USP34: variants seen among roughly 807,000 people sequenced by gnomAD.
USP34 encodes the protein ubiquitin specific peptidase 34.
USP34 carries 70 observed loss-of-function variants against 460.3 expected under a neutral mutation model. That is an observed-to-expected ratio of 0.15 (90% CI 0.13 to 0.19). The LOEUF is 0.19. Among genes scored for constraint, USP34 ranks in the 10% least tolerant of loss-of-function variants. The pLI is 1.00. For synonymous variants in USP34, 1,647 were observed against 1,405.3 expected (o/e 1.17, Z -3.85); for missense variants, 3,985 against 4,236.2 (o/e 0.94, Z 1.65).
intron 68 of USP34, among the ~76,000 whole-genome samples, chr2:61,212,637 C>T (rs1388216916): frequency 2.0e-5 from 3 of 152,166 alleles, no homozygotes; most frequent in African/African-American, 7.2e-5. Flanking sequence ...TCTTCTAACA[C>T]ATACTTGTCA....
chr2:61,294,572 A>T (rs781070534), intron 32 of USP34, among the ~76,000 whole-genome samples: 1 of 151,822 alleles, frequency 6.6e-6, no homozygotes, highest in Non-Finnish European at 1.5e-5. Context: ...GCAGCATGCT[A>T]CCACACCCAG....
intron 10 of USP34, among the ~76,000 whole-genome samples, chr2:61,359,148 A>G (rs1025541672): frequency 1.3e-5 from 2 of 152,194 alleles, no homozygotes; most frequent in Non-Finnish European, 2.9e-5. Flanking sequence ...AACAGTCTGA[A>G]AAAGATGACT....
chr2:61,297,182 T>C (rs373469375), intron 29 of USP34, among the ~76,000 whole-genome samples: 3 of 152,350 alleles, frequency 2.0e-5, no homozygotes, highest in East Asian at 1.9e-4. Flanking sequence ...CATGAAACTT[T>C]TCAAATAAAA....
chr2:61,305,606 A>C (rs1249955098), intron 27 of USP34, among the ~76,000 whole-genome samples: 1 of 152,146 alleles, frequency 6.6e-6, no homozygotes. Context: ...GGAGAGAAGA[A>C]AAAGAGAAAA....
chr2:61,456,651 T>C (rs952421445), intron 1 of USP34, among the ~76,000 whole-genome samples: 62 of 150,902 alleles, frequency 4.1e-4, no homozygotes, highest in African/African-American at 1.3e-3. Context: ...ACCCCATCTC[T>C]ACTAAAAATA....
intron 1 of USP34, 84 bp downstream of exon 1, chr2:61,470,566 G>A (rs1161944017): frequency 2.0e-6 from 2 of 989,896 alleles, no homozygotes; most frequent in East Asian, 6.1e-5. Context: ...GCCTCCCGCA[G>A]GCCGCGGCAG....
rs1690596510 is a variant in USP34, at chr2:61,311,598, T to C, written c.3759A>G (p.Ile1253Met). 1 of 1,613,596 alleles carries C rather than the reference T, an allele frequency of 6.2e-7. No homozygotes were observed. Among genetic ancestry groups the C allele is most frequent in the South Asian group, 1.1e-5 (1 of 90,910 alleles). Residue 1253 changes from isoleucine (I) to methionine (M), a missense_variant, in exon 27 of 80, where the codon ATA becomes ATG. By Grantham distance (10) the Ile-to-Met change is conservative (BLOSUM62 1). Around this residue, in one of 14 missense-constraint regions of USP34, gnomAD observed 1,114 missense variants for 1,122.5 expected, o/e 0.99. Transcript: ENST00000398571. ...ACTCCTGAAGCTGAGCTTGTTGATTTATTTGTTCTTTCTGTAAATTTTCAT... is the reference window on the plus strand; with the variant it reads ...ACTCCTGAAGCTGAGCTTGTTGATTCATTTGTTCTTTCTGTAAATTTTCAT... ...HWYENLQKEQ[I>M]NQQAQLQEFG...
At chr2:61,376,899 C>T (rs1692815321) in intron 8 of USP34, among the ~76,000 whole-genome samples, 1 of 152,224 alleles carries the variant, frequency 6.6e-6, no homozygotes, top group South Asian at 2.1e-4. Context: ...CCGCCTCAGC[C>T]TCCCAAAGTG....
chr2:61,239,032 T>G (rs1688153517), intron 53 of USP34, among the ~76,000 whole-genome samples: 1 of 151,926 alleles, frequency 6.6e-6, no homozygotes, highest in Admixed American at 6.6e-5. Flanking sequence ...TTGATGTTAC[T>G]GTTGTGATTG....
intron 75 of USP34, among the ~76,000 whole-genome samples, chr2:61,195,662 ACT>A (rs1419846249): frequency 3.3e-5 from 5 of 152,198 alleles, no homozygotes; most frequent in Non-Finnish European, 7.4e-5. Context: ...ACAGAGCCAG[ACT>A]CTGTCTCAAA....
intron 1 of USP34, among the ~76,000 whole-genome samples, chr2:61,424,960 C>T (rs1369718318): frequency 6.6e-6 from 1 of 152,066 alleles, no homozygotes; most frequent in Non-Finnish European, 1.5e-5. Context: ...GCTGGAATTA[C>T]AGGCATGTAC....
chr2:61,225,619 T>G (rs1687704136), intron 62 of USP34, among the ~76,000 whole-genome samples: 1 of 152,192 alleles, frequency 6.6e-6, no homozygotes, highest in Non-Finnish European at 1.5e-5. Flanking sequence ...TCAATTCTTG[T>G]ATTTGAGGTA....
At chr2:61,381,038 T>TA (rs540371047) in intron 6 of USP34, among the ~76,000 whole-genome samples, 47 of 152,112 alleles carry the variant, frequency 3.1e-4, no homozygotes, top group Non-Finnish European at 6.0e-4. Context: ...CACCACTCCC[T>TA]AATCTCAAGT....
intron 41 of USP34, among the ~76,000 whole-genome samples, chr2:61,270,788 T>G (rs996739071): frequency 5.9e-5 from 9 of 152,074 alleles, no homozygotes; most frequent in Admixed American, 3.3e-4. Context: ...CAATAATGCT[T>G]TCATTTTATA....
chr2:61,316,162 T>C (rs1209212037), intron 23 of USP34, among the ~76,000 whole-genome samples: 1 of 151,964 alleles, frequency 6.6e-6, no homozygotes, highest in Non-Finnish European at 1.5e-5. Flanking sequence ...GCCAAGATTG[T>C]GCCACTGCAC....
Position 61,325,399 on chromosome 2 carries a change from T to C in USP34, c.2989A>G (p.Thr997Ala), listed in dbSNP as rs1691055655. 6.4e-7 allele frequency: 1 copy of C among 1,556,426 alleles called. No individual in the cohort carries two copies. The highest frequency in any genetic ancestry group is 1.2e-5 in the South Asian group (1 of 80,252). Reference sequence around the variant, plus strand: ...CTGAAATGATCAGGTGATCCCAGAGTTGAAAATACACAAGTCAAGAATTGA... The same window carrying C: ...CTGAAATGATCAGGTGATCCCAGAGCTGAAAATACACAAGTCAAGAATTGA... ...RLQFLTCVFS[T>A]LGSPDHFRLS... Residue 997 changes from threonine (T) to alanine (A), a missense_variant, in exon 21 of 80, where the codon ACT (threonine) becomes GCT (alanine). Thr to Ala is a moderately conservative substitution (Grantham distance 58, BLOSUM62 0). Transcript: ENST00000398571.
intron 3 of USP34, among the ~76,000 whole-genome samples, chr2:61,396,816 A>G (rs1470871524): frequency 6.6e-6 from 1 of 152,146 alleles, no homozygotes. Context: ...AAGGTGAAAA[A>G]GGCATGAGGG....
chr2:61,294,780 A>C (rs1294034389), intron 32 of USP34, among the ~76,000 whole-genome samples, 169 bp downstream of exon 32: 1 of 152,224 alleles, frequency 6.6e-6, no homozygotes, highest in Non-Finnish European at 1.5e-5. Flanking sequence ...AAGGCATTAA[A>C]TAATCTCAGT....
At chr2:61,349,765 C>T (rs866628235) in intron 12 of USP34, among the ~76,000 whole-genome samples, 4 of 151,868 alleles carry the variant, frequency 2.6e-5, no homozygotes, top group South Asian at 2.1e-4. Flanking sequence ...GACGTGAACC[C>T]GGGAGACGCA....
Sources: gnomAD v4.1 joint callset for allele counts (sites outside exome capture counted in the v4.1 genomes callset) on GRCh38, gnomAD v4.1.1 for gene constraint, gnomAD v4.1.1 regional missense constraint, MANE v1.5 for transcripts, NCBI Gene and HGNC (gene_info 2026-07-23, HGNC 2026-07-21) for gene names.